The following PBX3 variants were observed in gnomAD, a reference collection of about 807,000 sequenced individuals.
PBX3 encodes pre-B-cell leukemia transcription factor 3.
Under a neutral mutation model 48.5 loss-of-function variants are expected in PBX3, and 14 were observed. The observed-to-expected ratio is 0.29, with a 90% confidence interval of 0.19 to 0.45. PBX3 has a LOEUF of 0.45. Ranked by LOEUF, PBX3 falls within the 20% of genes least tolerant of loss-of-function variation. The probability of loss-of-function intolerance (pLI) is 1.00; values close to 1 mark genes in which losing one functional copy is unlikely to be tolerated. For synonymous variants in PBX3, 210 were observed against 200.3 expected (o/e 1.05, Z -0.41); for missense variants, 386 against 546.7 (o/e 0.71, Z 2.93).
intron 5 of PBX3, among the ~76,000 whole-genome samples, chr9:125,938,740 C>T (rs1007343630): frequency 2.0e-5 from 3 of 152,130 alleles, no homozygotes; most frequent in Admixed American, 6.5e-5. Context: ...AGAGATAGGA[C>T]AAGTAATTGC....
chr9:125,864,652 A>G (rs567784763), intron 2 of PBX3, among the ~76,000 whole-genome samples: 7 of 152,176 alleles, frequency 4.6e-5, no homozygotes, highest in Admixed American at 2.0e-4. Flanking sequence ...CACAGATCAC[A>G]ATAGGGTTCA....
intron 2 of PBX3, among the ~76,000 whole-genome samples, chr9:125,900,175 A>G (rs1394284978): frequency 1.3e-5 from 2 of 150,962 alleles, no homozygotes; most frequent in African/African-American, 4.9e-5. Context: ...TAATAATGAT[A>G]GGATGGAGTT....
chr9:125,854,375 T>C (rs566076811), intron 2 of PBX3, among the ~76,000 whole-genome samples: 1 of 152,148 alleles, frequency 6.6e-6, no homozygotes, highest in East Asian at 1.9e-4. Context: ...GCTCAAGCGA[T>C]CTTCCTGCCT....
intron 1 of PBX3, 22 bp downstream of exon 1, chr9:125,747,675 A>C: frequency 6.5e-7 from 1 of 1,547,254 alleles, no homozygotes. Flanking sequence ...CTCATTAAGC[A>C]TCTTTTGTGT....
intron 1 of PBX3, 60 bp downstream of exon 1, chr9:125,747,713 G>A (rs1015123523): frequency 5.9e-6 from 8 of 1,361,408 alleles, no homozygotes; most frequent in Non-Finnish European, 9.8e-7. Flanking sequence ...CCGCGGCCGA[G>A]TCGAGGCCCG....
intron 2 of PBX3, among the ~76,000 whole-genome samples, chr9:125,902,973 G>T (rs935840546): frequency 1.3e-5 from 2 of 151,408 alleles, no homozygotes; most frequent in African/African-American, 4.8e-5. Flanking sequence ...TAATTCTTCT[G>T]CTATCTGCAC....
intron 2 of PBX3, 85 bp downstream of exon 2, chr9:125,748,708 C>T (rs1836280796): frequency 3.1e-6 from 3 of 975,976 alleles, no homozygotes; most frequent in African/African-American, 3.2e-5. Context: ...TTGAGAGCTG[C>T]TGCTTTTGGG....
rs1841660234 is a variant in PBX3 at position 125,929,257 on chromosome 9, ACTTTGT to A, written c.517-397_517-392del. On this transcript the variant is annotated intron_variant, in intron 3 of 8. Transcript: ENST00000373489. Reference sequence around the variant, plus strand: ...CCTTATAGCACTGGCAAGAGTTTGAACTTTGTAGTTGTTCAGTAAGCATTTGTTGAT... The same window carrying A: ...CCTTATAGCACTGGCAAGAGTTTGAAAGTTGTTCAGTAAGCATTTGTTGAT... 2.6e-5 allele frequency among the ~76,000 whole-genome samples: 4 copies of A among 152,332 alleles called. No individual in the cohort carries two copies. In the South Asian group the frequency reaches 8.3e-4, roughly 32 times the overall value.
chr9:125,914,183 A>T (rs1482592117), intron 2 of PBX3, among the ~76,000 whole-genome samples: 2 of 152,202 alleles, frequency 1.3e-5, no homozygotes, highest in Non-Finnish European at 2.9e-5. Context: ...TACGCATTTT[A>T]TGAGTTATCT....
intron 2 of PBX3, among the ~76,000 whole-genome samples, chr9:125,888,161 C>T (rs1788095185): frequency 6.6e-6 from 1 of 151,974 alleles, no homozygotes; most frequent in African/African-American, 2.4e-5. Context: ...GTGGGTTATT[C>T]ATTTTTAAGA....
chr9:125,807,814 T>G (rs1048274164), intron 2 of PBX3, among the ~76,000 whole-genome samples: 6 of 152,212 alleles, frequency 3.9e-5, no homozygotes, highest in African/African-American at 1.4e-4. Context: ...CCATGCACCT[T>G]GACACCAGGA....
chr9:125,840,151 G>A (rs1191019236), intron 2 of PBX3, among the ~76,000 whole-genome samples: 1 of 151,910 alleles, frequency 6.6e-6, no homozygotes, highest in East Asian at 1.9e-4. Context: ...ATTGTGACTT[G>A]TCTAGCATTA....
chr9:125,855,790 A>G (rs1332258477), intron 2 of PBX3, among the ~76,000 whole-genome samples: 1 of 152,134 alleles, frequency 6.6e-6, no homozygotes, highest in Non-Finnish European at 1.5e-5. Flanking sequence ...TGTTTGTGCA[A>G]TACCTTGTTC....
chr9:125,949,872 C>T (rs1842154245), intron 5 of PBX3, among the ~76,000 whole-genome samples: 1 of 152,108 alleles, frequency 6.6e-6, no homozygotes, highest in Non-Finnish European at 1.5e-5. Context: ...ATTTGGAGTG[C>T]TCTGTGCATT....
rs11999260 is a variant in PBX3 at position 125,759,194 on chromosome 9, C to T, written c.274+10571C>T. 0.51 allele frequency among the ~76,000 whole-genome samples: 77,793 copies of T among 152,104 alleles called. 21,623 individuals are homozygous for T. The highest frequency in any genetic ancestry group is 0.63 in the South Asian group (3,033 of 4,824). The stretch of plus-strand genomic sequence containing the variant: ...CAGCACTAGTGTAAATATTTGTAGA[C>T]AACCATGTTTTACAGACTTCAGTTT... On this transcript the variant is annotated intron_variant, in intron 2 of 8. Transcript: ENST00000373489. The surrounding 1 kb of genome is among the most constrained non-coding windows in gnomAD (Gnocchi z 4.2).
At chr9:125,810,258 A>T (rs956669217) in intron 2 of PBX3, among the ~76,000 whole-genome samples, 6 of 152,082 alleles carry the variant, frequency 3.9e-5, no homozygotes, top group African/African-American at 1.4e-4. Flanking sequence ...ATTATGACTC[A>T]TGTTAGGTTA....
intron 2 of PBX3, among the ~76,000 whole-genome samples, chr9:125,763,650 G>A (rs567384301): frequency 1.4e-4 from 21 of 152,246 alleles, no homozygotes; most frequent in African/African-American, 5.1e-4. Context: ...GGAGCGAACG[G>A]TGCTGTAACA....
intron 2 of PBX3, among the ~76,000 whole-genome samples, chr9:125,904,138 C>G (rs561690868): frequency 6.6e-6 from 1 of 151,956 alleles, no homozygotes; most frequent in Non-Finnish European, 1.5e-5. Context: ...TCTTTGATTT[C>G]CCTAGGACCC....
intron 2 of PBX3, among the ~76,000 whole-genome samples, chr9:125,913,447 T>C (rs1324088098): frequency 6.6e-6 from 1 of 152,186 alleles, no homozygotes; most frequent in Non-Finnish European, 1.5e-5. Context: ...GATTGCTTCT[T>C]ATTGGTACAA....
Sources: gnomAD v4.1 joint callset for allele counts (sites outside exome capture counted in the v4.1 genomes callset) on GRCh38, gnomAD v4.1.1 for gene constraint, Gnocchi (gnomAD v3.1) non-coding constraint, MANE v1.5 for transcripts, NCBI Gene and HGNC (gene_info 2026-07-23, HGNC 2026-07-21) for gene names.